Variants in DNAH8 observed in about 807,000 individuals in gnomAD.
DNAH8 encodes the protein dynein axonemal heavy chain 8, also known as axonemal beta dynein heavy chain 8.
Under a neutral mutation model 562.1 loss-of-function variants are expected in DNAH8, and 382 were observed. The ratio of observed to expected loss-of-function variants is 0.68; its 90% CI spans 0.63 to 0.74. The LOEUF is 0.74. Ranked by LOEUF, DNAH8 falls within the 30% of genes least tolerant of loss-of-function variation. DNAH8 has a pLI of 0.00. For synonymous variants in DNAH8, 1,881 were observed against 1,919.4 expected, an observed-to-expected ratio of 0.98 and a Z score of 0.52; for missense variants, 5,203 against 5,620.4, an observed-to-expected ratio of 0.93 and a Z score of 2.37.
Position 38,969,229 on chromosome 6 carries a change from A to G in DNAH8, c.12452-2363A>G, listed in dbSNP as rs933770054. Reference sequence around the variant, plus strand: ...TGCAACTCTAAAAACATATTTTAAAATATTAAAGTATACACTTTATAATGA... The same window carrying G: ...TGCAACTCTAAAAACATATTTTAAAGTATTAAAGTATACACTTTATAATGA... On this transcript the variant is annotated intron_variant, in intron 82 of 92. Coordinates refer to ENST00000327475, the MANE Select transcript of DNAH8 (RefSeq NM_001206927.2). 5.3e-5 allele frequency among the ~76,000 whole-genome samples: 8 copies of G among 152,324 alleles called. No individual in the cohort carries two copies. In the South Asian group the frequency reaches 1.4e-3, roughly 28 times the overall value.
intron 70 of DNAH8, among the ~76,000 whole-genome samples, chr6:38,919,191 TAAATA>T (rs1781517982): frequency 6.6e-6 from 1 of 152,160 alleles, no homozygotes; most frequent in African/African-American, 2.4e-5. Flanking sequence ...TGTTATGCAA[TAAATA>T]AAATAGCATA....
intron 91 of DNAH8, among the ~76,000 whole-genome samples, chr6:39,023,404 A>T (rs1386060686): frequency 2.0e-5 from 3 of 152,198 alleles, no homozygotes; most frequent in Admixed American, 1.3e-4. Flanking sequence ...GAGGCAGGAG[A>T]GTGGTGTGAA....
At chr6:38,937,891 G>A (rs1561887561) in intron 77 of DNAH8, 83 bp from the exon 78 acceptor site, 24 of 1,203,782 alleles carry the variant, frequency 2.0e-5, no homozygotes, top group African/African-American at 6.4e-5. Context: ...AGCTAACAGC[G>A]TTTTTTTTTT....
rs12212784 is a variant in DNAH8 at position 38,730,068 on chromosome 6, T to G, written c.610+82T>G. 0.15 allele frequency: 96,729 copies of G among 648,696 alleles called. 8,113 individuals are homozygous for G. The highest frequency in any genetic ancestry group is 0.18 in the African/African-American group (9,869 of 53,804). 40.2% of individuals were successfully genotyped at this position (648,696 alleles called of 1,614,324 possible). A position where few individuals can be genotyped will look rare whatever the true frequency, so the allele number is the denominator to read the frequency against. The stretch of plus-strand genomic sequence containing the variant: ...GCATATTTTTTCTCTTATACATAGA[T>G]AATCCTTTATTTATAAAGAAAATGT... On this transcript the variant is annotated intron_variant, in intron 4 of 92. Coordinates refer to ENST00000327475, the MANE Select transcript of DNAH8 (RefSeq NM_001206927.2).
At chr6:38,733,237 AAT>A (rs200277230) in intron 4 of DNAH8, among the ~76,000 whole-genome samples, 38,371 of 151,940 alleles carry the variant, frequency 0.25, 5,785 homozygotes, top group Non-Finnish European at 0.35. Context: ...TATTGCTGCA[AAT>A]AGAAGGCTGT....
chr6:38,963,016 G>T (rs1762713275), intron 82 of DNAH8, among the ~76,000 whole-genome samples: 1 of 152,082 alleles, frequency 6.6e-6, no homozygotes, highest in African/African-American at 2.4e-5. Context: ...CTACTTATTG[G>T]GTAGAGGGTA....
At chr6:38,862,530 T>G in intron 44 of DNAH8, 72 bp downstream of exon 44, 1 of 1,507,358 alleles carries the variant, frequency 6.6e-7, no homozygotes. Flanking sequence ...TTTTCTGATA[T>G]AAATCCAAAG....
At chr6:38,821,353 G>T (rs1373386974) in intron 26 of DNAH8, among the ~76,000 whole-genome samples, 2 of 152,158 alleles carry the variant, frequency 1.3e-5, no homozygotes, top group Non-Finnish European at 2.9e-5. Flanking sequence ...TCATGCTCAT[G>T]GGTTGGAAGA....
intron 21 of DNAH8, 38 bp downstream of exon 21, chr6:38,791,712 T>C: frequency 6.2e-7 from 1 of 1,602,418 alleles, no homozygotes; most frequent in East Asian, 2.2e-5. Context: ...CACAAAAATA[T>C]TGGCCTATAA....
At position 38,923,670 on chromosome 6, in the gene DNAH8, T is replaced by C. The variant is rs527510967; in HGVS notation, c.10791-321T>C. On this transcript the variant is annotated intron_variant, in intron 72 of 92. Coordinates refer to ENST00000327475, the MANE Select transcript of DNAH8 (RefSeq NM_001206927.2). Reference sequence around the variant, plus strand: ...AAAAGGGAGGGGAAAGAAAAAATGGTTTAACACAAGACTGAAATCTGAATA... The same window carrying C: ...AAAAGGGAGGGGAAAGAAAAAATGGCTTAACACAAGACTGAAATCTGAATA... 6.6e-5 allele frequency: 17 copies of C among 255,730 alleles called. 1 individual carries two copies. In the South Asian group the frequency reaches 1.8e-3, roughly 28 times the overall value. 15.8% of individuals were successfully genotyped at this position (255,730 alleles called of 1,614,324 possible).
chr6:38,781,317 A>G lies in DNAH8; in HGVS notation c.2203A>G (p.Ile735Val), dbSNP rs2127639812. ...ARNMPPIAGK[I>V]LWVRQLYRRI... is the part of the protein sequence containing the mutation. Reference sequence around the variant, plus strand: ...CAACATGCCCCCTATAGCAGGAAAAATACTCTGGGTGAGGCAGCTCTATCG... The same window carrying G: ...CAACATGCCCCCTATAGCAGGAAAAGTACTCTGGGTGAGGCAGCTCTATCG... The change falls in exon 16 of 93, where the codon ATA (isoleucine) becomes GTA (valine). Residue 735 changes from isoleucine to valine, a missense_variant. Physicochemically the swap from Ile to Val is conservative, Grantham distance 29. Transcript: ENST00000327475. The G allele has an allele frequency of 6.2e-7, 1 of 1,613,994 alleles. No homozygotes were observed. The highest frequency in any genetic ancestry group is 8.5e-7 in the Non-Finnish European group (1 of 1,179,956).
intron 24 of DNAH8, among the ~76,000 whole-genome samples, chr6:38,809,459 A>G (rs1271362576): frequency 2.6e-5 from 4 of 152,120 alleles, no homozygotes; most frequent in Admixed American, 6.5e-5. Context: ...CCATATGGTT[A>G]ATTAGTTGAC....
chr6:38,917,172 T>C, intron 68 of DNAH8, 67 bp from the exon 69 acceptor site: 1 of 1,135,538 alleles, frequency 8.8e-7, no homozygotes, highest in Non-Finnish European at 1.2e-6. Context: ...TTGAAAAGTA[T>C]TAGATTTCCA....
At position 38,899,780 on chromosome 6, in the gene DNAH8, C is replaced by T. The variant is rs1298465444; in HGVS notation, c.9068C>T (p.Ser3023Leu). ...ACGTTTTAAATCTCAAAACAGATTT[C>T]ACGAATAATTCGAACGTCGTGTGGA... ...KDAMTHLIKI[S>L]RIIRTSCGNA... Residue 3023 changes from serine (S) to leucine (L), a missense_variant, in exon 62 of 93, where the codon TCA becomes TTA. Coordinates refer to ENST00000327475, the MANE Select transcript of DNAH8 (RefSeq NM_001206927.2). 6 of 1,613,394 alleles carry T rather than the reference C, an allele frequency of 3.7e-6. No homozygotes were observed. Among genetic ancestry groups the T allele is most frequent in the African/African-American group, 1.3e-5 (1 of 74,898 alleles).
At position 38,896,055 on chromosome 6, in the gene DNAH8, C is replaced by A. The variant is rs1190033436; in HGVS notation, c.8770C>A (p.Gln2924Lys). The change falls in exon 60 of 93, where the codon CAG becomes AAG. Residue 2924 changes from glutamine (Q) to lysine (K), a missense_variant. Coordinates refer to ENST00000327475, the MANE Select transcript of DNAH8 (RefSeq NM_001206927.2). ...CAGATTTATAACTCCTGAAGATGAG[C>A]AGTGGTTTAATGCACATCTTACTCG... ...ADRFITPEDE[Q>K]WFNAHLTRAV... 1.2e-6 allele frequency: 2 copies of A among 1,612,130 alleles called. No individual in the cohort carries two copies. The highest frequency in any genetic ancestry group is 1.7e-6 in the Non-Finnish European group (2 of 1,179,378).
chr6:38,781,690 C>T (rs1768629542), intron 16 of DNAH8, among the ~76,000 whole-genome samples: 1 of 152,052 alleles, frequency 6.6e-6, no homozygotes, highest in African/African-American at 2.4e-5. Context: ...AAAGTACAGG[C>T]CTAGCACAGA....
At chr6:38,746,465 T>A (rs1436049612) in intron 8 of DNAH8, among the ~76,000 whole-genome samples, 2 of 152,208 alleles carry the variant, frequency 1.3e-5, no homozygotes, top group African/African-American at 4.8e-5. Context: ...TGGAGAGTAG[T>A]ATTTAGGAAC....
intron 7 of DNAH8, among the ~76,000 whole-genome samples, chr6:38,739,218 G>T (rs1157364958): frequency 6.6e-6 from 1 of 152,032 alleles, no homozygotes; most frequent in Non-Finnish European, 1.5e-5. Context: ...TCCCCATTGT[G>T]TCATGTTTCA....
At chr6:38,812,697 C>T (rs1771904432) in intron 24 of DNAH8, among the ~76,000 whole-genome samples, 1 of 152,008 alleles carries the variant, frequency 6.6e-6, no homozygotes, top group Non-Finnish European at 1.5e-5. Flanking sequence ...TGGATTTCCC[C>T]CCATTAATCC....
Sources: gnomAD v4.1 joint callset for allele counts (sites outside exome capture counted in the v4.1 genomes callset) on GRCh38, gnomAD v4.1.1 for gene constraint, MANE v1.5 for transcripts, NCBI Gene and HGNC (gene_info 2026-07-23, HGNC 2026-07-21) for gene names.